AFF3: variants seen among roughly 807,000 people sequenced by gnomAD.
The protein encoded by AFF3 is AF4/FMR2 family member 3.
Under a neutral mutation model 129.7 loss-of-function variants are expected in AFF3, and 32 were observed. The observed-to-expected ratio is 0.25, with a 90% confidence interval of 0.19 to 0.33. The LOEUF (loss-of-function observed/expected upper bound fraction) is 0.33. AFF3 is among the 10% of genes least tolerant of loss of function. The pLI is 1.00. For missense variants in AFF3, 1,373 were observed against 1,592.0 expected (o/e 0.86, Z 2.34); for synonymous variants, 644 against 635.4 (o/e 1.01, Z -0.20).
At chr2:99,754,804 C>T (rs1193722355) in intron 8 of AFF3, among the ~76,000 whole-genome samples, 4 of 152,170 alleles carry the variant, frequency 2.6e-5, no homozygotes, top group African/African-American at 9.7e-5. Context: ...CAGGGTCCAT[C>T]CCTGAGCACC....
At chr2:99,752,350 A>G in intron 8 of AFF3, 49 bp from the exon 9 acceptor site, 4 of 1,508,194 alleles carry the variant, frequency 2.7e-6, no homozygotes, top group Non-Finnish European at 3.7e-6. Context: ...GACAGTATTT[A>G]AAATCAGCGG....
At chr2:100,061,120 A>AC (rs1425770466) in intron 4 of AFF3, among the ~76,000 whole-genome samples, 1 of 152,202 alleles carries the variant, frequency 6.6e-6, no homozygotes. Context: ...GTCGATGTGA[A>AC]CTGATCACTG....
chr2:99,943,678 AC>A (rs1675275075), intron 7 of AFF3, among the ~76,000 whole-genome samples: 1 of 152,144 alleles, frequency 6.6e-6, no homozygotes, highest in Non-Finnish European at 1.5e-5. Flanking sequence ...TCTGTTTATT[AC>A]CTGTTGATCT....
At chr2:100,134,247 GT>G (rs1273933477) in intron 1 of AFF3, among the ~76,000 whole-genome samples, 14 of 152,262 alleles carry the variant, frequency 9.2e-5, no homozygotes, top group African/African-American at 2.9e-4. Flanking sequence ...TATAAGCCTT[GT>G]ATAAAAATAT....
chr2:100,120,909 G>T (rs991196371), intron 2 of AFF3, among the ~76,000 whole-genome samples: 2 of 152,164 alleles, frequency 1.3e-5, no homozygotes, highest in Non-Finnish European at 2.9e-5. Flanking sequence ...GAGTAGCTGG[G>T]ATTATAGGCA....
At chr2:99,869,598 C>T (rs62147616) in intron 7 of AFF3, among the ~76,000 whole-genome samples, 10 of 152,152 alleles carry the variant, frequency 6.6e-5, no homozygotes, top group Non-Finnish European at 1.3e-4. Context: ...CAAACATGCC[C>T]ATTTATCTCC....
rs543506948 is a variant in AFF3 at position 99,823,105 on chromosome 2, C to G, written c.921+14372G>C. On this transcript the variant is annotated intron_variant, in intron 8 of 24. Transcript: ENST00000672756. ...TTCAAATGGCTCCATATTGAAAGCC[C>G]AGGCTTTGACTCACCAGGCTCTCAA... Among the ~76,000 whole-genome samples the G allele has an allele frequency of 1.2e-3, 182 of 152,252 alleles. 5 individuals carry two copies. The South Asian group carries it at 0.037, about 31-fold the overall frequency.
intron 4 of AFF3, among the ~76,000 whole-genome samples, chr2:100,062,281 T>G (rs928496047): frequency 6.6e-6 from 1 of 152,202 alleles, no homozygotes; most frequent in Non-Finnish European, 1.5e-5. Flanking sequence ...GGAGTGCCCA[T>G]GTGGAAGGCC....
At chr2:99,705,429 G>C (rs909293713) in intron 11 of AFF3, among the ~76,000 whole-genome samples, 2 of 152,050 alleles carry the variant, frequency 1.3e-5, no homozygotes, top group African/African-American at 4.8e-5. Context: ...CACCAGAGGA[G>C]AAAAGGATCA....
At chr2:100,034,788 T>A (rs904606685) in intron 4 of AFF3, among the ~76,000 whole-genome samples, 1 of 152,202 alleles carries the variant, frequency 6.6e-6, no homozygotes, top group African/African-American at 2.4e-5. Flanking sequence ...GATCTAATGA[T>A]CACCTAAGTT....
At chr2:99,835,040 A>C (rs1280035704) in intron 8 of AFF3, among the ~76,000 whole-genome samples, 2 of 152,140 alleles carry the variant, frequency 1.3e-5, no homozygotes, top group Non-Finnish European at 2.9e-5. Context: ...TCAAAAATGA[A>C]TTTATGATTT....
At chr2:100,114,749 G>A (rs1024615336) in intron 2 of AFF3, among the ~76,000 whole-genome samples, 1 of 152,168 alleles carries the variant, frequency 6.6e-6, no homozygotes, top group Non-Finnish European at 1.5e-5. Context: ...GCTCCCTGGA[G>A]CCTGGAGTCA....
intron 4 of AFF3, among the ~76,000 whole-genome samples, chr2:100,012,888 T>C (rs556830778): frequency 2.6e-5 from 4 of 152,238 alleles, no homozygotes; most frequent in African/African-American, 4.8e-5. Context: ...TTCTATCATC[T>C]GCAAAGTTGC....
chr2:100,081,726 G>A (rs1689065097), intron 4 of AFF3, among the ~76,000 whole-genome samples: 1 of 152,206 alleles, frequency 6.6e-6, no homozygotes, highest in African/African-American at 2.4e-5. Flanking sequence ...CTGATTTATT[G>A]AGGGTTGAGT....
chr2:99,816,292 T>C (rs1437450980), intron 8 of AFF3, among the ~76,000 whole-genome samples: 1 of 152,252 alleles, frequency 6.6e-6, no homozygotes, highest in Non-Finnish European at 1.5e-5. Context: ...ATATTGATTG[T>C]AGCCATTTAA....
intron 4 of AFF3, among the ~76,000 whole-genome samples, chr2:100,046,417 A>G (rs1685840441): frequency 6.6e-6 from 1 of 152,158 alleles, no homozygotes; most frequent in African/African-American, 2.4e-5. Flanking sequence ...GGTAGGTGTG[A>G]GGCTGTAGGA....
At position 99,593,634 on chromosome 2, in the gene AFF3, G is replaced by C. The variant is rs779856914; in HGVS notation, c.2027C>G (p.Ser676Cys). The C allele has an allele frequency of 2.5e-6, 4 of 1,609,526 alleles. No individual in the cohort carries two copies. The highest frequency in any genetic ancestry group is 2.2e-5 in the East Asian group (1 of 44,766). ...CTCGGACTCCAGGTCGGAGTCCGAG[G>C]AGGAGGATGAAGATGACGACTCTGT... ...IETESSSSSS[S>C]SDSDLESEQE... Residue 676 changes from serine to cysteine, a missense_variant, in exon 15 of 25, where the codon TCC becomes TGC. Coordinates refer to ENST00000672756, the MANE Select transcript of AFF3 (RefSeq NM_001386135.1).
At chr2:100,137,155 C>T (rs1484437431) in intron 1 of AFF3, among the ~76,000 whole-genome samples, 1 of 152,088 alleles carries the variant, frequency 6.6e-6, no homozygotes, top group Non-Finnish European at 1.5e-5. Context: ...GTTATATAAC[C>T]GATGTATAAG....
At chr2:99,572,618 C>G (rs1676606531) in intron 18 of AFF3, 1 of 455,658 alleles carries the variant, frequency 2.2e-6, no homozygotes, top group Non-Finnish European at 4.4e-6. Flanking sequence ...AAATCCAAAT[C>G]AGACAAATAG....
Sources: allele counts gnomAD v4.1 joint callset (sites outside exome capture counted in the v4.1 genomes callset), GRCh38; gene constraint gnomAD v4.1.1; transcripts MANE v1.5; gene names NCBI Gene and HGNC (gene_info 2026-07-23, HGNC 2026-07-21).